POM121C: variants seen among roughly 807,000 people sequenced by gnomAD.
POM121C encodes the protein nuclear envelope pore membrane protein POM 121C.
A neutral mutation model predicts 66.4 loss-of-function variants in POM121C; 20 were observed. The ratio of observed to expected loss-of-function variants is 0.30; its 90% CI spans 0.21 to 0.44. POM121C has a LOEUF of 0.44. Ranked by LOEUF, POM121C falls within the 20% of genes least tolerant of loss-of-function variation. The probability of loss-of-function intolerance (pLI) is 1.00; values close to 1 mark genes in which losing one functional copy is unlikely to be tolerated. For missense variants in POM121C, 580 were observed against 1,225.7 expected (o/e 0.47, Z 7.87); for synonymous variants, 286 against 528.0 (o/e 0.54, Z 6.28).
intron 3 of POM121C, among the ~76,000 whole-genome samples, chr7:75,472,838 A>AAGGG (rs1554478833): frequency 6.6e-6 from 1 of 151,060 alleles, no homozygotes; most frequent in Non-Finnish European, 1.5e-5. Context: ...GGGAGGGAGG[A>AAGGG]AGGGAGGGAG....
intron 3 of POM121C, 116 bp downstream of exon 3, chr7:75,474,588 A>G (rs1554479091): frequency 6.3e-6 from 3 of 478,924 alleles, no homozygotes; most frequent in African/African-American, 4.0e-5. Context: ...AAGGAAAGTG[A>G]TATTTGGGGG....
At chr7:75,479,862 A>T (rs1402270024) in intron 1 of POM121C, among the ~76,000 whole-genome samples, 2 of 152,176 alleles carry the variant, frequency 1.3e-5, no homozygotes, top group African/African-American at 2.4e-5. Flanking sequence ...TAAAATAACA[A>T]AACAGTGTGA....
intron 7 of POM121C, among the ~76,000 whole-genome samples, chr7:75,435,122 A>G (rs1790352549): frequency 6.6e-6 from 1 of 152,208 alleles, no homozygotes; most frequent in Admixed American, 6.5e-5. Flanking sequence ...CATATGAACA[A>G]ATGTATTCTT....
rs1584643913 is a variant in POM121C at position 75,421,803 on chromosome 7, T to A, written c.2449A>T (p.Thr817Ser). The change falls in exon 13 of 15, where the codon ACC becomes TCC. Residue 817 changes from threonine to serine, a missense_variant. Transcript: ENST00000615331. ...GAGCTGCTGCTCCCGCTGCTGGCGG[T>A]CTGGGTGGTGGCTCCAAAGCCGGAG... ...TSSGFGATTQ[T>S]ASSGSSSSVF... is the part of the protein sequence containing the mutation. The A allele has an allele frequency of 6.2e-7, 1 of 1,608,518 alleles. No individual in the cohort carries two copies. The highest frequency in any genetic ancestry group is 8.5e-7 in the Non-Finnish European group (1 of 1,178,116).
At chr7:75,458,484 GGCCATTGCACTCCA>G in intron 3 of POM121C, among the ~76,000 whole-genome samples, 1 of 151,530 alleles carries the variant, frequency 6.6e-6, no homozygotes. Context: ...GCTATGACTG[GGCCATTGCACTCCA>G]GCCAGGGCAA....
chr7:75,482,497 G>T (rs1367785052), intron 1 of POM121C, among the ~76,000 whole-genome samples: 3 of 152,180 alleles, frequency 2.0e-5, no homozygotes, highest in African/African-American at 7.2e-5. Context: ...AGTTCGACAT[G>T]CATGACACGG....
At chr7:75,451,086 G>A (rs1342194836) in intron 3 of POM121C, among the ~76,000 whole-genome samples, 1 of 152,122 alleles carries the variant, frequency 6.6e-6, no homozygotes, top group East Asian at 1.9e-4. Flanking sequence ...TCAGTATTGT[G>A]AAAATGGCTA....
At chr7:75,440,217 C>T (rs587600613) in intron 5 of POM121C, among the ~76,000 whole-genome samples, 46 of 152,108 alleles carry the variant, frequency 3.0e-4, no homozygotes, top group Admixed American at 2.8e-3. Flanking sequence ...GATAAAACTA[C>T]CAAACTCTAG....
intron 3 of POM121C, among the ~76,000 whole-genome samples, chr7:75,473,882 G>A (rs1554478989): frequency 6.6e-6 from 1 of 151,810 alleles, no homozygotes; most frequent in Non-Finnish European, 1.5e-5. Flanking sequence ...TAGAGACGGG[G>A]TTTCACCGTT....
intron 6 of POM121C, 26 bp from the exon 7 acceptor site, chr7:75,437,712 G>A (rs1554473218): frequency 1.3e-6 from 2 of 1,557,096 alleles, no homozygotes; most frequent in South Asian, 1.2e-5. Flanking sequence ...ACAGTTAGAT[G>A]CTTTATTGAA....
chr7:75,459,603 A>C (rs1313877145), intron 3 of POM121C, among the ~76,000 whole-genome samples: 1 of 145,612 alleles, frequency 6.9e-6, no homozygotes, highest in African/African-American at 2.5e-5. Flanking sequence ...CTGTCTCAAA[A>C]AAAAAAAAAA....
At chr7:75,429,221 T>G (rs1310772060) in intron 7 of POM121C, among the ~76,000 whole-genome samples, 3 of 152,210 alleles carry the variant, frequency 2.0e-5, no homozygotes, top group African/African-American at 7.2e-5. Flanking sequence ...GTGTATGTAC[T>G]AAAATCCTAA....
chr7:75,454,969 T>C (rs1368517874), intron 3 of POM121C, among the ~76,000 whole-genome samples: 1 of 152,260 alleles, frequency 6.6e-6, no homozygotes, highest in African/African-American at 2.4e-5. Flanking sequence ...GCTGCTGGTC[T>C]TGTCTCCATA....
chr7:75,447,989 A>G, intron 3 of POM121C, among the ~76,000 whole-genome samples: 1 of 149,778 alleles, frequency 6.7e-6, no homozygotes. Context: ...GCGCCACTGC[A>G]CTCCAGCCTG....
intron 7 of POM121C, among the ~76,000 whole-genome samples, chr7:75,428,455 A>C (rs1320589819): frequency 6.6e-6 from 1 of 152,212 alleles, no homozygotes; most frequent in Non-Finnish European, 1.5e-5. Context: ...GAACTTTAAA[A>C]GCACATAGAT....
chr7:75,473,823 G>C (rs1791966033), intron 3 of POM121C, among the ~76,000 whole-genome samples: 3 of 151,424 alleles, frequency 2.0e-5, no homozygotes, highest in Non-Finnish European at 3.0e-5. Context: ...CAAGTAGCTG[G>C]GACTACAGGC....
At chr7:75,436,042 C>A (rs1790391587) in intron 7 of POM121C, among the ~76,000 whole-genome samples, 1 of 133,730 alleles carries the variant, frequency 7.5e-6, no homozygotes, top group Non-Finnish European at 1.6e-5. Context: ...CAGAGTAAGA[C>A]TCCGTCTCAA....
rs1128185 is a variant in POM121C at position 75,419,324 on chromosome 7, C to T, written c.2862G>A (p.Pro954=). The change falls in exon 14 of 15, where the codon CCG becomes CCA. Residue 954 remains proline (P), a synonymous_variant. Transcript: ENST00000615331. ...ACAGGGTGGCTTGCTGCTTACCGAA[C>T]GGTCCAACACCAACAAAGCCTTGGG... ...APAQGFVGVG[P]FGSAAPSFSI... 63 of 1,610,536 alleles carry T rather than the reference C, an allele frequency of 3.9e-5. No homozygotes were observed. Among genetic ancestry groups the T allele is most frequent in the Middle Eastern group, 1.6e-4 (1 of 6,064 alleles).
rs1279964847 is a variant in POM121C, at chr7:75,417,322, C to CTT, written c.*1472_*1473dup. On this transcript the variant is annotated 3_prime_UTR_variant, in exon 15 of 15. Coordinates refer to ENST00000615331, the MANE Select transcript of POM121C (RefSeq NM_001099415.3). ...GAGCCTCTTCTTTGCACAGGCATAA[C>CTT]TTAACTATACAGCTAATTCCTAGTT... is the stretch of plus-strand genomic sequence containing the variant. 2 of 878,488 alleles carry CTT rather than the reference C, an allele frequency of 2.3e-6. No homozygotes were observed. Among genetic ancestry groups the CTT allele is most frequent in the African/African-American group, 3.6e-5 (2 of 54,912 alleles). 54.4% of individuals were successfully genotyped at this position (878,488 alleles called of 1,614,324 possible). A position where few individuals can be genotyped will look rare whatever the true frequency, so the allele number is the denominator to read the frequency against.
Sources: gnomAD v4.1 joint callset for allele counts (sites outside exome capture counted in the v4.1 genomes callset) on GRCh38, gnomAD v4.1.1 for gene constraint, MANE v1.5 for transcripts, NCBI Gene and HGNC (gene_info 2026-07-23, HGNC 2026-07-21) for gene names.